The following PRICKLE2 variants were observed in gnomAD, a reference collection of about 807,000 sequenced individuals.
The protein encoded by PRICKLE2 is prickle-like protein 2.
PRICKLE2 carries 21 observed loss-of-function variants against 81.4 expected under a neutral mutation model. The ratio of observed to expected loss-of-function variants is 0.26; its 90% confidence interval spans 0.18 to 0.37. The LOEUF (loss-of-function observed/expected upper bound fraction) is 0.37, where lower values mean the gene tolerates loss of function less well. Ranked by LOEUF, PRICKLE2 falls within the 10% of genes least tolerant of loss-of-function variation. The pLI, the probability that PRICKLE2 is intolerant of heterozygous loss-of-function variation, is 1.00. For missense variants in PRICKLE2, 940 were observed against 1,109.0 expected (o/e 0.85, Z 2.16); for synonymous variants, 456 against 421.5 (o/e 1.08, Z -1.00).
chr3:64,194,316 G>A (rs1168361072), intron 2 of PRICKLE2: 1 of 152,190 alleles, frequency 6.6e-6, no homozygotes, highest in Non-Finnish European at 1.5e-5. Context: ...GAGCATGGTA[G>A]GTGCTCAATA....
intron 6 of PRICKLE2, among the ~76,000 whole-genome samples, chr3:64,151,665 C>T (rs543571283): frequency 1.3e-5 from 2 of 152,316 alleles, no homozygotes; most frequent in Admixed American, 6.5e-5. Flanking sequence ...CTTGAATCCT[C>T]GGTTGGGCAA....
chr3:64,210,363 C>T (rs1012877197), intron 1 of PRICKLE2, among the ~76,000 whole-genome samples: 1 of 152,076 alleles, frequency 6.6e-6, no homozygotes, highest in Non-Finnish European at 1.5e-5. Context: ...TTGACACTTG[C>T]CATGTCTGGG....
Position 64,146,861 on chromosome 3 carries a change from G to A in PRICKLE2, c.1629C>T (p.Ser543=), listed in dbSNP as rs1265373042. 6.2e-7 allele frequency: 1 copy of A among 1,614,154 alleles called. No homozygotes were observed. The highest frequency in any genetic ancestry group is 1.3e-5 in the African/African-American group (1 of 75,032). ...CATTAGACAGGGCCAGGGATTCCAT[G>A]GAGCCCCGAGGGGTCTGCTCTGTGG... The part of the protein sequence containing the change: ...MTPTEQTPRG[S]MESLALSNAT... Residue 543 remains serine, a synonymous_variant, in exon 7 of 8, where the codon TCC becomes TCT. Coordinates refer to ENST00000638394, the MANE Select transcript of PRICKLE2 (RefSeq NM_198859.4).
At chr3:64,161,345 G>C (rs570717794) in intron 3 of PRICKLE2, among the ~76,000 whole-genome samples, 65 of 152,268 alleles carry the variant, frequency 4.3e-4, no homozygotes, top group African/African-American at 1.5e-3. Context: ...GAGTAATCTG[G>C]ACATCAGAAA....
chr3:64,239,252 G>A (rs1575703267), intron 2 of PRICKLE2, among the ~76,000 whole-genome samples: 1 of 152,278 alleles, frequency 6.6e-6, no homozygotes, highest in South Asian at 2.1e-4. Flanking sequence ...GGGGGCGGGG[G>A]GCTGGCAGCG....
At chr3:64,220,083 T>C (rs2078928452) in intron 1 of PRICKLE2, among the ~76,000 whole-genome samples, 1 of 152,174 alleles carries the variant, frequency 6.6e-6, no homozygotes, top group Admixed American at 6.5e-5. Context: ...ATACATTGCC[T>C]TCTATATTAA....
intron 7 of PRICKLE2, among the ~76,000 whole-genome samples, chr3:64,144,405 A>C (rs891092523): frequency 1.3e-5 from 2 of 152,238 alleles, no homozygotes; most frequent in African/African-American, 4.8e-5. Context: ...GCTAATATTT[A>C]TGACGTGCTC....
At chr3:64,260,854 A>AAT (rs200446123) in intron 2 of PRICKLE2, among the ~76,000 whole-genome samples, 2 of 152,182 alleles carry the variant, frequency 1.3e-5, no homozygotes, top group African/African-American at 4.8e-5. Flanking sequence ...CAGATTAAAA[A>AAT]ATATATATGT....
intron 7 of PRICKLE2, among the ~76,000 whole-genome samples, chr3:64,113,866 C>G (rs2076891266): frequency 6.6e-6 from 1 of 152,192 alleles, no homozygotes; most frequent in African/African-American, 2.4e-5. Flanking sequence ...ATATCCAGTA[C>G]AACCACACAC....
intron 5 of PRICKLE2, chr3:64,153,844 G>A (rs930404552): frequency 6.1e-6 from 1 of 163,146 alleles, no homozygotes; most frequent in Non-Finnish European, 1.4e-5. Flanking sequence ...AAGAAGAGAG[G>A]CTGCTGCTTT....
chr3:64,110,585 C>A (rs953273778), intron 7 of PRICKLE2, among the ~76,000 whole-genome samples: 1 of 152,108 alleles, frequency 6.6e-6, no homozygotes, highest in African/African-American at 2.4e-5. Flanking sequence ...ACTTTGAGTG[C>A]TGGAAAAGAA....
chr3:64,178,959 C>T (rs1455477026), intron 2 of PRICKLE2, among the ~76,000 whole-genome samples: 1 of 150,290 alleles, frequency 6.7e-6, no homozygotes, highest in South Asian at 2.1e-4. Flanking sequence ...ATCTAACATA[C>T]ATATTTTCTT....
intron 6 of PRICKLE2, 89 bp downstream of exon 6, chr3:64,153,093 C>A (rs2077572901): frequency 8.0e-7 from 1 of 1,243,090 alleles, no homozygotes. Flanking sequence ...GGGTTTCTAA[C>A]ACTTGCAATC....
In PRICKLE2 at chr3:64,094,128, G is replaced by C. The variant is rs2076537392; in HGVS notation, c.*4923C>G. The C allele has an allele frequency of 6.6e-6, 1 of 152,338 alleles. No individual in the cohort carries two copies. Among genetic ancestry groups the C allele is most frequent in the Non-Finnish European group, 1.5e-5 (1 of 68,038 alleles). The allele number at this position is 152,338 out of a possible 1,614,324, so 9.4% of individuals were successfully genotyped here. ...GAAATGAAAGCAGGAGATGGACAAAGCAATCCTGTGGAGGAAAGAATGAGT... is the reference window on the plus strand; with the variant it reads ...GAAATGAAAGCAGGAGATGGACAAACCAATCCTGTGGAGGAAAGAATGAGT... On this transcript the variant is annotated 3_prime_UTR_variant, in exon 8 of 8. Transcript: ENST00000638394.
At chr3:64,246,239 C>T (rs1309229901) in intron 2 of PRICKLE2, among the ~76,000 whole-genome samples, 1 of 152,068 alleles carries the variant, frequency 6.6e-6, no homozygotes, top group Non-Finnish European at 1.5e-5. Flanking sequence ...AAGACTCCAT[C>T]TCAAAAAAAC....
chr3:64,203,190 C>T (rs1237067506), intron 1 of PRICKLE2, among the ~76,000 whole-genome samples: 3 of 152,174 alleles, frequency 2.0e-5, no homozygotes, highest in East Asian at 3.9e-4. Flanking sequence ...GAATGCACAC[C>T]TTGGATCTCG....
intron 3 of PRICKLE2, among the ~76,000 whole-genome samples, chr3:64,161,794 G>A (rs1184922663): frequency 6.6e-6 from 1 of 150,734 alleles, no homozygotes; most frequent in Admixed American, 6.6e-5. Flanking sequence ...AGAATATATG[G>A]TTACACCACT....
intron 1 of PRICKLE2, among the ~76,000 whole-genome samples, chr3:64,204,614 C>A (rs2078648366): frequency 6.6e-6 from 1 of 151,740 alleles, no homozygotes; most frequent in African/African-American, 2.4e-5. Flanking sequence ...AAAAGCAAAA[C>A]CAAGGAGGGG....
intron 2 of PRICKLE2, among the ~76,000 whole-genome samples, chr3:64,197,029 G>C (rs1192635182): frequency 6.6e-6 from 1 of 152,154 alleles, no homozygotes; most frequent in Non-Finnish European, 1.5e-5. Context: ...CTGCCAATTT[G>C]CAACTTCAAA....
Sources: allele counts gnomAD v4.1 joint callset (sites outside exome capture counted in the v4.1 genomes callset), GRCh38; gene constraint gnomAD v4.1.1; transcripts MANE v1.5; gene names NCBI Gene and HGNC (gene_info 2026-07-23, HGNC 2026-07-21).